OTULIN: variants seen among roughly 807,000 people sequenced by gnomAD.
The protein encoded by OTULIN is ubiquitin thioesterase otulin.
In OTULIN, 15 loss-of-function variants were observed where a neutral mutation model predicts 39.6. The ratio of observed to expected loss-of-function variants is 0.38; its 90% CI spans 0.25 to 0.58. The LOEUF (loss-of-function observed/expected upper bound fraction) is 0.58. OTULIN is among the 20% of genes least tolerant of loss of function. The pLI, the probability that OTULIN is intolerant of heterozygous loss-of-function variation, is 0.66. For synonymous variants in OTULIN, 156 were observed against 170.3 expected (o/e 0.92, Z 0.65); for missense variants, 319 against 445.9 (o/e 0.72, Z 2.56).
chr5:14,683,660 CTG>C (rs1229312498), intron 4 of OTULIN, among the ~76,000 whole-genome samples: 1 of 152,152 alleles, frequency 6.6e-6, no homozygotes, highest in East Asian at 1.9e-4. Flanking sequence ...ATCTACAAAT[CTG>C]TATTTCTGGA....
chr5:14,711,236 C>T, the OTULIN span: 1 of 1,614,152 alleles, frequency 6.2e-7, no homozygotes, highest in Non-Finnish European at 8.5e-7. Context: ...TGTCTGTCAC[C>T]TCCTCTGTCG....
At chr5:14,700,883 G>C (rs559447579), downstream of OTULIN, among the ~76,000 whole-genome samples, 22 of 152,234 alleles carry the variant, frequency 1.4e-4, no homozygotes, top group African/African-American at 5.3e-4. Flanking sequence ...TGGGGTAATA[G>C]ACTTTATAGT....
intron 2 of OTULIN, 71 bp downstream of exon 2, chr5:14,673,789 A>C: frequency 7.9e-7 from 1 of 1,268,260 alleles, no homozygotes; most frequent in Non-Finnish European, 1.1e-6. Context: ...AATCCGTATA[A>C]CCATTTTCAT....
chr5:14,709,856 AATGT>A, the OTULIN span: 1 of 152,664 alleles, frequency 6.6e-6, no homozygotes, highest in Non-Finnish European at 1.5e-5. Flanking sequence ...GAAAATAGGA[AATGT>A]ATTATAGCCT....
At chr5:14,678,642 T>G in intron 2 of OTULIN, 39 bp from the exon 3 acceptor site, 1 of 1,398,338 alleles carries the variant, frequency 7.2e-7, no homozygotes, top group Non-Finnish European at 9.8e-7. Flanking sequence ...TATGCTTTGA[T>G]TTATTATTTG....
chr5:14,681,657 T>G (rs1736254299), intron 4 of OTULIN, 50 bp downstream of exon 4: 1 of 1,561,368 alleles, frequency 6.4e-7, no homozygotes, highest in Admixed American at 2.0e-5. Flanking sequence ...ACAATTTTTG[T>G]GAGAAAACTT....
intron 5 of OTULIN, 68 bp downstream of exon 5, chr5:14,687,714 GT>G: frequency 1.3e-6 from 2 of 1,488,584 alleles, no homozygotes; most frequent in Non-Finnish European, 1.8e-6. Flanking sequence ...CAGAAGACCA[GT>G]TTTTAGTCTT....
At chr5:14,678,461 T>C (rs1050981345) in intron 2 of OTULIN, among the ~76,000 whole-genome samples, 1 of 152,182 alleles carries the variant, frequency 6.6e-6, no homozygotes, top group Non-Finnish European at 1.5e-5. Context: ...GATAATGGTC[T>C]GGAGAGTGTG....
At chr5:14,677,352 T>C (rs1736130734) in intron 2 of OTULIN, among the ~76,000 whole-genome samples, 1 of 152,232 alleles carries the variant, frequency 6.6e-6, no homozygotes, top group Non-Finnish European at 1.5e-5. Flanking sequence ...AGTAAATATT[T>C]GTTGAATTTA....
At chr5:14,682,971 A>C (rs2126315991) in intron 4 of OTULIN, among the ~76,000 whole-genome samples, 1 of 152,308 alleles carries the variant, frequency 6.6e-6, no homozygotes, top group East Asian at 1.9e-4. Flanking sequence ...TTTTAGAGGA[A>C]CTTGTTGACT....
chr5:14,681,684 CT>C (rs1219992616), intron 4 of OTULIN, 77 bp downstream of exon 4: 17 of 1,474,118 alleles, frequency 1.2e-5, no homozygotes, highest in African/African-American at 1.4e-5. Flanking sequence ...TCTGTCCATG[CT>C]ACCTTCTAGT....
At chr5:14,700,366 C>T (rs977823217), downstream of OTULIN, among the ~76,000 whole-genome samples, 2 of 152,166 alleles carry the variant, frequency 1.3e-5, no homozygotes, top group African/African-American at 4.8e-5. Flanking sequence ...CAGAAGGTTA[C>T]GGGAGGGAGG....
chr5:14,677,625 T>TC (rs1736137377), intron 2 of OTULIN, among the ~76,000 whole-genome samples: 3 of 152,216 alleles, frequency 2.0e-5, no homozygotes, highest in Non-Finnish European at 2.9e-5. Context: ...TATTTTTTTT[T>TC]CACTATAACA....
intron 6 of OTULIN, 22 bp from the exon 7 acceptor site, chr5:14,692,832 A>AC: frequency 1.2e-6 from 2 of 1,609,472 alleles, no homozygotes; most frequent in Non-Finnish European, 1.7e-6. Context: ...TCCTCAGAAT[A>AC]CCCGTTTGCT....
chr5:14,702,172 G>T (rs1412372006), downstream of OTULIN, among the ~76,000 whole-genome samples: 2 of 152,182 alleles, frequency 1.3e-5, no homozygotes, highest in Non-Finnish European at 2.9e-5. Context: ...TGACTGAGAG[G>T]AGTGGGACAT....
chr5:14,678,991 C>T (rs1002398627), intron 3 of OTULIN, among the ~76,000 whole-genome samples: 18 of 152,150 alleles, frequency 1.2e-4, no homozygotes, highest in African/African-American at 2.9e-4. Flanking sequence ...TATTCAGTGA[C>T]GCAATTTCTT....
intron 1 of OTULIN, among the ~76,000 whole-genome samples, chr5:14,665,324 C>T (rs1041484614): frequency 6.6e-6 from 1 of 152,164 alleles, no homozygotes; most frequent in African/African-American, 2.4e-5. Flanking sequence ...CAGCCTGGCA[C>T]AGGGAGGAAG....
chr5:14,693,930 A>T lies in OTULIN; in HGVS notation c.*882A>T, dbSNP rs978021957. 2 of 152,176 alleles carry T rather than the reference A, an allele frequency of 1.3e-5. No individual in the cohort carries two copies. Among genetic ancestry groups the T allele is most frequent in the African/African-American group, 4.8e-5 (2 of 41,448 alleles). The allele number at this position is 152,176 out of a possible 1,614,324, so 9.4% of individuals were successfully genotyped here. A position where few individuals can be genotyped will look rare whatever the true frequency, so the allele number is the denominator to read the frequency against. On this transcript the variant is annotated 3_prime_UTR_variant, in exon 7 of 7. Coordinates refer to ENST00000284274, the MANE Select transcript of OTULIN (RefSeq NM_138348.6). Reference sequence around the variant, plus strand: ...TGGTTTAGTGTTGGAAGCTTTAATTATTCTACAGTTCCATAGATTCACAAT... The same window carrying T: ...TGGTTTAGTGTTGGAAGCTTTAATTTTTCTACAGTTCCATAGATTCACAAT...
intron 1 of OTULIN, among the ~76,000 whole-genome samples, chr5:14,667,132 A>T (rs565592377): frequency 1.3e-5 from 2 of 152,218 alleles, no homozygotes; most frequent in East Asian, 3.8e-4. Flanking sequence ...GAGATATCCT[A>T]TAGAGTCATT....
Sources: allele counts gnomAD v4.1 joint callset (sites outside exome capture counted in the v4.1 genomes callset), GRCh38; gene constraint gnomAD v4.1.1; transcripts MANE v1.5; gene names NCBI Gene and HGNC (gene_info 2026-07-23, HGNC 2026-07-21).